Variants in SH3BP2 observed in about 807,000 individuals in gnomAD.
SH3BP2 encodes the protein SH3 domain-binding protein 2.
SH3BP2 carries 38 observed loss-of-function variants against 56.2 expected under a neutral mutation model. The ratio of observed to expected loss-of-function variants is 0.68; its 90% confidence interval spans 0.52 to 0.89. The LOEUF (loss-of-function observed/expected upper bound fraction) is 0.89. Among genes scored for constraint, SH3BP2 ranks in the 40% least tolerant of loss-of-function variants. SH3BP2 has a pLI of 0.00. For missense variants in SH3BP2, 748 were observed against 762.6 expected, an observed-to-expected ratio of 0.98 and a Z score of 0.23; for synonymous variants, 346 against 316.7, an observed-to-expected ratio of 1.09 and a Z score of -0.98.
intron 1 of SH3BP2, among the ~76,000 whole-genome samples, chr4:2,801,787 G>A (rs1269597264): frequency 6.6e-6 from 1 of 152,182 alleles, no homozygotes; most frequent in African/African-American, 2.4e-5. Context: ...AACAACATCC[G>A]GGAAAAAAAC....
intron 11 of SH3BP2, 146 bp from the exon 12 acceptor site, chr4:2,832,844 C>G: frequency 1.3e-6 from 1 of 788,636 alleles, no homozygotes; most frequent in Non-Finnish European, 2.2e-6. Flanking sequence ...TGTCCTTGTG[C>G]AGGTGGTCTG....
chr4:2,822,677 C>T (rs1325924558), intron 2 of SH3BP2, among the ~76,000 whole-genome samples: 4 of 152,236 alleles, frequency 2.6e-5, no homozygotes, highest in Non-Finnish European at 5.9e-5. Context: ...CCAAATCTAC[C>T]TCTTCTTTGT....
At chr4:2,820,564 A>G in intron 1 of SH3BP2, 50 bp from the exon 2 acceptor site, 1 of 1,613,338 alleles carries the variant, frequency 6.2e-7, no homozygotes, top group Non-Finnish European at 8.5e-7. Context: ...TGGCTCAGCC[A>G]TCTCCTGCCT....
intron 1 of SH3BP2, chr4:2,818,237 G>T: frequency 5.1e-6 from 5 of 988,482 alleles, no homozygotes; most frequent in Non-Finnish European, 6.0e-6. Context: ...GCGGGCTCCG[G>T]GCCGCGGCCG....
chr4:2,829,871 TCATGGC>T lies in SH3BP2; in HGVS notation c.968_973del (p.Met323_Ala324del), dbSNP rs1305889036. On this transcript the variant is annotated inframe_deletion, in exon 8 of 13. Coordinates refer to ENST00000503393, the MANE Select transcript of SH3BP2 (RefSeq NM_001122681.2). The surrounding 1 kb of genome is among the most constrained non-coding windows in gnomAD (Gnocchi z 4.9). ...GCCTGCTCCACTTCCAGTGCTGCCA[TCATGGC>T]CACTGCCACCTCCAGAAACTGTGAC... 1 of 1,613,690 alleles carries T rather than the reference TCATGGC, an allele frequency of 6.2e-7. No homozygotes were observed. Among genetic ancestry groups the T allele is most frequent in the African/African-American group, 1.3e-5 (1 of 74,916 alleles).
In SH3BP2 at chr4:2,831,416, C is replaced by T. The variant is rs545593477; in HGVS notation, c.1242-155C>T. On this transcript the variant is annotated intron_variant, in intron 8 of 12. Transcript: ENST00000503393. This position sits in a 1 kb window ranked among gnomAD's most constrained non-coding sequence, Gnocchi z 4.1. ...CAGGGCAGTCGGCACGAGCCCTACC[C>T]GGATCTCTGTTGTCCTGAGCTTTTT... Among the ~76,000 whole-genome samples the T allele has an allele frequency of 8.5e-5, 13 of 152,334 alleles. No homozygotes were observed. The highest frequency in any genetic ancestry group is 1.3e-4 in the Non-Finnish European group (9 of 68,022).
intron 1 of SH3BP2, among the ~76,000 whole-genome samples, chr4:2,802,400 A>G (rs934979023): frequency 4.9e-5 from 5 of 101,890 alleles, no homozygotes; most frequent in Non-Finnish European, 8.2e-5. Flanking sequence ...TCTCAAAAAA[A>G]TATATGTGTG....
intron 10 of SH3BP2, 127 bp from the exon 11 acceptor site, chr4:2,832,204 A>G (rs1725024304): frequency 2.9e-6 from 3 of 1,027,966 alleles, no homozygotes; most frequent in African/African-American, 3.1e-5. Flanking sequence ...CGGCAGCCCG[A>G]CGTGCTCAGC....
At chr4:2,802,408 G>GTGTGTGTGTT (rs1723322685) in intron 1 of SH3BP2, among the ~76,000 whole-genome samples, 1 of 112,548 alleles carries the variant, frequency 8.9e-6, no homozygotes, top group Non-Finnish European at 1.7e-5. Flanking sequence ...AAATATATGT[G>GTGTGTGTGTT]TGTGTGTGTG....
chr4:2,814,639 G>A (rs1241837871), intron 1 of SH3BP2, among the ~76,000 whole-genome samples: 2 of 152,230 alleles, frequency 1.3e-5, no homozygotes, highest in Non-Finnish European at 2.9e-5. Context: ...GCCGCCCAAC[G>A]CTGGCCCATG....
chr4:2,810,667 C>A lies in SH3BP2; in HGVS notation c.-4-9947C>A, dbSNP rs1723712370. Among the ~76,000 whole-genome samples the A allele has an allele frequency of 1.3e-5, 2 of 152,004 alleles. No individual in the cohort carries two copies. The highest frequency in any genetic ancestry group is 4.8e-5 in the African/African-American group (2 of 41,370). On this transcript the variant is annotated intron_variant, in intron 1 of 12. Transcript: ENST00000503393. This position sits in a 1 kb window ranked among gnomAD's most constrained non-coding sequence, Gnocchi z 4.2. ...AAGCCCCTTCCTCCCGTGGCTCCCTCACCCCAGCTCCTTCCAGCAAACTTC... is the reference window on the plus strand; with the variant it reads ...AAGCCCCTTCCTCCCGTGGCTCCCTAACCCCAGCTCCTTCCAGCAAACTTC...
At position 2,831,957 on chromosome 4, in the gene SH3BP2, C is replaced by T. The variant is rs201536400; in HGVS notation, c.1385C>T (p.Thr462Met). Residue 462 changes from threonine (T) to methionine (M), a missense_variant, in exon 10 of 13, where the codon ACG becomes ATG. Around this residue, in one of 3 missense-constraint regions of SH3BP2, gnomAD observed 635 missense variants for 615.0 expected, o/e 1.03. Coordinates refer to ENST00000503393, the MANE Select transcript of SH3BP2 (RefSeq NM_001122681.2). The surrounding 1 kb of genome is among the most constrained non-coding windows in gnomAD (Gnocchi z 4.1). ...PLPNSVFVNT[T>M]ESCEVERLFK... ...CCCAACTCGGTCTTCGTCAACACCA[C>T]GGAGTCCTGCGAAGTGGAAAGGTCA... is the stretch of plus-strand genomic sequence containing the variant. 58 of 1,612,882 alleles carry T rather than the reference C, an allele frequency of 3.6e-5. No individual in the cohort carries two copies. Among genetic ancestry groups the T allele is most frequent in the African/African-American group, 2.7e-4 (20 of 74,940 alleles).
chr4:2,833,783 C>T lies in SH3BP2; in HGVS notation c.1635C>T (p.Ser545=), dbSNP rs991116909. The part of the protein sequence containing the change: ...VEHYHTHVLP[S]HQSLLLRHPY... ...ACTACCACACCCACGTGCTGCCCAG[C>T]CACCAGAGCCTGCTGCTGCGGCACC... is the stretch of plus-strand genomic sequence containing the variant. Residue 545 remains serine, a synonymous_variant, in exon 13 of 13, where the codon AGC becomes AGT. Transcript: ENST00000503393. The T allele has an allele frequency of 2.5e-6, 4 of 1,597,980 alleles. No homozygotes were observed. The highest frequency in any genetic ancestry group is 1.7e-5 in the Admixed American group (1 of 58,204).
intron 1 of SH3BP2, 68 bp from the exon 2 acceptor site, chr4:2,820,546 G>A: frequency 6.2e-7 from 1 of 1,601,730 alleles, no homozygotes; most frequent in South Asian, 1.1e-5. Flanking sequence ...GTGTCCCCCT[G>A]AGCGCCCTGG....
chr4:2,832,909 C>A lies in SH3BP2; in HGVS notation c.1489-81C>A, dbSNP rs1725072132. On this transcript the variant is annotated intron_variant, in intron 11 of 12. Coordinates refer to ENST00000503393, the MANE Select transcript of SH3BP2 (RefSeq NM_001122681.2). ...GGACCCAGCCTTGATGGTTCTGCCC[C>A]CCTATCCCCAGCCCATGGTCTCCCG... The A allele has an allele frequency of 5.6e-6, 8 of 1,417,526 alleles. No homozygotes were observed. In the South Asian group the frequency reaches 8.0e-5, roughly 14 times the overall value. 87.8% of individuals were successfully genotyped at this position (1,417,526 alleles called of 1,614,324 possible).
intron 1 of SH3BP2, among the ~76,000 whole-genome samples, chr4:2,813,529 T>C (rs422734): frequency 6.6e-6 from 1 of 152,076 alleles, no homozygotes; most frequent in African/African-American, 2.4e-5. Flanking sequence ...TGGACCCTGG[T>C]CGATTTAGTG....
At chr4:2,818,090 G>A in intron 1 of SH3BP2, 1 of 435,888 alleles carries the variant, frequency 2.3e-6, no homozygotes, top group South Asian at 9.6e-5. Flanking sequence ...CCCGCAGGGG[G>A]CTCACGTGCC....
intron 1 of SH3BP2, among the ~76,000 whole-genome samples, chr4:2,815,536 C>A (rs532949994): frequency 6.6e-6 from 1 of 152,250 alleles, no homozygotes; most frequent in African/African-American, 2.4e-5. Context: ...AGGACTGTAA[C>A]CTGTCCCTGT....
intron 1 of SH3BP2, among the ~76,000 whole-genome samples, chr4:2,820,321 G>T (rs1172933160): frequency 1.3e-5 from 2 of 152,210 alleles, no homozygotes; most frequent in African/African-American, 4.8e-5. Flanking sequence ...GCGCTCAGTG[G>T]CTGTGTGCAG....
Sources: gnomAD v4.1 joint callset for allele counts (sites outside exome capture counted in the v4.1 genomes callset) on GRCh38, gnomAD v4.1.1 for gene constraint, gnomAD v4.1.1 regional missense constraint, Gnocchi (gnomAD v3.1) non-coding constraint, MANE v1.5 for transcripts, NCBI Gene and HGNC (gene_info 2026-07-23, HGNC 2026-07-21) for gene names.